The following PPP3CA variants were observed in gnomAD, a reference collection of about 807,000 sequenced individuals.
PPP3CA encodes protein phosphatase 3 catalytic subunit alpha.
PPP3CA carries 14 observed loss-of-function variants against 66.5 expected under a neutral mutation model. That is an observed-to-expected ratio of 0.21 (90% CI 0.14 to 0.33). PPP3CA has a LOEUF of 0.33. Among genes scored for constraint, PPP3CA ranks in the 10% least tolerant of loss-of-function variants. The pLI is 1.00. For missense variants in PPP3CA, 317 were observed against 639.5 expected (o/e 0.50, Z 5.44); for synonymous variants, 232 against 226.2 (o/e 1.03, Z -0.23).
At position 101,275,977 on chromosome 4, in the gene PPP3CA, C is replaced by G. The variant is rs193203935; in HGVS notation, c.58+70762G>C. On this transcript the variant is annotated intron_variant, in intron 1 of 13. Coordinates refer to ENST00000394854, the MANE Select transcript of PPP3CA (RefSeq NM_000944.5). ...TGTGGAAATCATAGTTCACTGCAGCCTAGAACTCGAGATCCCAAGAAATTC... is the reference window on the plus strand; with the variant it reads ...TGTGGAAATCATAGTTCACTGCAGCGTAGAACTCGAGATCCCAAGAAATTC... 2.2e-3 allele frequency among the ~76,000 whole-genome samples: 340 copies of G among 151,716 alleles called. 1 individual carries two copies. The highest frequency in any genetic ancestry group is 4.3e-3 in the Non-Finnish European group (289 of 67,930).
chr4:101,082,480 G>A (rs1729482076), intron 7 of PPP3CA, among the ~76,000 whole-genome samples: 1 of 152,190 alleles, frequency 6.6e-6, no homozygotes, highest in Non-Finnish European at 1.5e-5. Context: ...TTTCAGTGGA[G>A]CCTACTGGGA....
At chr4:101,273,154 A>T (rs1727385177) in intron 1 of PPP3CA, among the ~76,000 whole-genome samples, 1 of 152,124 alleles carries the variant, frequency 6.6e-6, no homozygotes, top group Non-Finnish European at 1.5e-5. Context: ...TTTTGAGAAT[A>T]CAAACTGGTA....
chr4:101,067,223 G>A (rs28449812), intron 8 of PPP3CA, among the ~76,000 whole-genome samples: 9,669 of 152,124 alleles, frequency 0.064, 353 homozygotes, highest in African/African-American at 0.093. Context: ...TCCTTTTTCT[G>A]ATGTCAAAAT....
At chr4:101,235,431 T>TCACA (rs57851713) in intron 1 of PPP3CA, among the ~76,000 whole-genome samples, 12,476 of 147,714 alleles carry the variant, frequency 0.084, 1,534 homozygotes, top group African/African-American at 0.27. Flanking sequence ...AAACATACAC[T>TCACA]CACACACACA....
At chr4:101,169,708 A>C (rs1490149795) in intron 2 of PPP3CA, among the ~76,000 whole-genome samples, 3 of 149,464 alleles carry the variant, frequency 2.0e-5, no homozygotes, top group Non-Finnish European at 4.4e-5. Context: ...TAGAGCATGC[A>C]AATGTTATAT....
intron 1 of PPP3CA, among the ~76,000 whole-genome samples, chr4:101,205,919 A>G (rs1725116768): frequency 6.6e-6 from 1 of 152,214 alleles, no homozygotes; most frequent in Non-Finnish European, 1.5e-5. Flanking sequence ...AAAGATTGAA[A>G]TATTTTGCCT....
chr4:101,167,890 C>T (rs1221621963), intron 2 of PPP3CA, among the ~76,000 whole-genome samples: 5 of 152,090 alleles, frequency 3.3e-5, no homozygotes, highest in Admixed American at 2.6e-4. Flanking sequence ...ATCAGAAAGA[C>T]ATAAAGGCAG....
chr4:101,331,847 G>A (rs1729397900), intron 1 of PPP3CA, among the ~76,000 whole-genome samples: 1 of 152,040 alleles, frequency 6.6e-6, no homozygotes, highest in Non-Finnish European at 1.5e-5. Flanking sequence ...AATATTTTCA[G>A]AATTCATGTG....
At chr4:101,336,693 T>C (rs73835936) in intron 1 of PPP3CA, among the ~76,000 whole-genome samples, 15,723 of 151,992 alleles carry the variant, frequency 0.1, 2,772 homozygotes, top group African/African-American at 0.36. Context: ...ACAAGTAATA[T>C]ATATTCAAAG....
At chr4:101,128,221 G>A (rs1342058306) in intron 2 of PPP3CA, among the ~76,000 whole-genome samples, 4 of 152,106 alleles carry the variant, frequency 2.6e-5, no homozygotes, top group African/African-American at 9.7e-5. Context: ...TACCACTACA[G>A]GATGACTAGA....
chr4:101,192,623 T>G (rs950844635), intron 2 of PPP3CA, among the ~76,000 whole-genome samples: 8 of 152,182 alleles, frequency 5.3e-5, no homozygotes, highest in African/African-American at 1.7e-4. Flanking sequence ...CATGTGCTGT[T>G]ATCTCTGCTC....
intron 10 of PPP3CA, among the ~76,000 whole-genome samples, chr4:101,043,747 T>TGGC: frequency 6.6e-6 from 1 of 152,022 alleles, no homozygotes; most frequent in Non-Finnish European, 1.5e-5. Flanking sequence ...TGGTGGCACA[T>TGGC]GCCTGTATTC....
At chr4:101,323,586 AAAT>A (rs1729107616) in intron 1 of PPP3CA, among the ~76,000 whole-genome samples, 1 of 152,168 alleles carries the variant, frequency 6.6e-6, no homozygotes, top group African/African-American at 2.4e-5. Flanking sequence ...ATTTTAACCT[AAAT>A]AATCTCTCAG....
At chr4:101,247,796 C>T (rs1298396538) in intron 1 of PPP3CA, among the ~76,000 whole-genome samples, 1 of 152,094 alleles carries the variant, frequency 6.6e-6, no homozygotes, top group African/African-American at 2.4e-5. Flanking sequence ...AACACAATAA[C>T]AAAATAGTAG....
intron 2 of PPP3CA, among the ~76,000 whole-genome samples, chr4:101,139,696 G>GTGTTTTTTTTTTTTTTTTTTTT (rs1553927959): frequency 1.0e-5 from 1 of 98,406 alleles, no homozygotes; most frequent in African/African-American, 4.0e-5. Context: ...TTTTTTTTGT[G>GTGTTTTTTTTTTTTTTTTTTTT]TTTTTTTTTT....
chr4:101,292,166 A>C (rs1174442541), intron 1 of PPP3CA, among the ~76,000 whole-genome samples: 1 of 151,862 alleles, frequency 6.6e-6, no homozygotes, highest in African/African-American at 2.4e-5. Flanking sequence ...TTCCCTAAAA[A>C]GTTCTAAAGT....
intron 1 of PPP3CA, among the ~76,000 whole-genome samples, chr4:101,301,472 T>A (rs1255471333): frequency 6.8e-6 from 1 of 146,412 alleles, no homozygotes; most frequent in Admixed American, 6.9e-5. Context: ...ATATATATTA[T>A]ATTTATATAT....
At chr4:101,041,387 G>T (rs1727509420) in intron 10 of PPP3CA, among the ~76,000 whole-genome samples, 1 of 150,322 alleles carries the variant, frequency 6.7e-6, no homozygotes, top group African/African-American at 2.5e-5. Context: ...TAATTCCCGA[G>T]GTACATTGGA....
intron 10 of PPP3CA, among the ~76,000 whole-genome samples, chr4:101,059,381 T>C (rs1181700777): frequency 2.0e-5 from 3 of 152,106 alleles, no homozygotes; most frequent in Non-Finnish European, 2.9e-5. Context: ...CTCCTTGCGA[T>C]GTGGTATATG....
Sources: gnomAD v4.1 joint callset for allele counts (sites outside exome capture counted in the v4.1 genomes callset) on GRCh38, gnomAD v4.1.1 for gene constraint, MANE v1.5 for transcripts, NCBI Gene and HGNC (gene_info 2026-07-23, HGNC 2026-07-21) for gene names.